FXR1: variants seen among roughly 807,000 people sequenced by gnomAD.
The protein encoded by FXR1 is RNA-binding protein FXR1.
In FXR1, 15 loss-of-function variants were observed where a neutral mutation model predicts 84.0. The observed-to-expected ratio is 0.18, with a 90% CI of 0.12 to 0.27. The LOEUF is 0.27. Among genes scored for constraint, FXR1 ranks in the 10% least tolerant of loss-of-function variants. FXR1 has a pLI of 1.00. For synonymous variants in FXR1, 245 were observed against 250.7 expected (o/e 0.98, Z 0.21); for missense variants, 480 against 774.4 (o/e 0.62, Z 4.51).
At chr3:180,937,434 C>T (rs899000558) in intron 3 of FXR1, among the ~76,000 whole-genome samples, 3 of 152,028 alleles carry the variant, frequency 2.0e-5, no homozygotes, top group Admixed American at 6.6e-5. Context: ...CAGTCTGGCT[C>T]ACCCCTGTGG....
intron 15 of FXR1, among the ~76,000 whole-genome samples, chr3:180,974,332 G>A (rs1354889394): frequency 1.3e-5 from 2 of 151,910 alleles, no homozygotes; most frequent in African/African-American, 4.8e-5. Flanking sequence ...TAATTCTGAC[G>A]GGGTTTCACC....
At chr3:180,971,148 A>C in intron 15 of FXR1, 2 of 1,258,714 alleles carry the variant, frequency 1.6e-6, no homozygotes, top group Admixed American at 2.5e-5. Context: ...CAGAAGATAG[A>C]CAGCCAGGTA....
intron 1 of FXR1, among the ~76,000 whole-genome samples, chr3:180,918,630 T>A (rs1185456872): frequency 6.6e-6 from 1 of 152,242 alleles, no homozygotes; most frequent in Non-Finnish European, 1.5e-5. Context: ...CTAATTCTTG[T>A]AATAGTTTTT....
intron 1 of FXR1, chr3:180,927,679 G>A: frequency 1.9e-6 from 1 of 524,184 alleles, no homozygotes; most frequent in Non-Finnish European, 3.3e-6. Flanking sequence ...AAAAAAATGA[G>A]TAGATCTTCA....
intron 1 of FXR1, among the ~76,000 whole-genome samples, chr3:180,917,406 A>G (rs923909779): frequency 1.6e-4 from 25 of 152,338 alleles, no homozygotes; most frequent in East Asian, 1.3e-3. Flanking sequence ...TGAAAAAACG[A>G]TAATTGTCTT....
chr3:180,964,131 T>G (rs1483599783), intron 13 of FXR1, among the ~76,000 whole-genome samples: 1 of 152,178 alleles, frequency 6.6e-6, no homozygotes, highest in Non-Finnish European at 1.5e-5. Context: ...CTCATTTTCT[T>G]ATATATGTTT....
intron 3 of FXR1, among the ~76,000 whole-genome samples, chr3:180,945,290 C>T (rs1249611396): frequency 6.6e-6 from 1 of 152,180 alleles, no homozygotes; most frequent in African/African-American, 2.4e-5. Flanking sequence ...TTTTGCATTT[C>T]ATTATCTTTC....
At chr3:180,964,469 G>A (rs964211206) in intron 13 of FXR1, among the ~76,000 whole-genome samples, 5 of 151,926 alleles carry the variant, frequency 3.3e-5, no homozygotes, top group African/African-American at 1.2e-4. Flanking sequence ...TTATGTGAGA[G>A]GTAGAGAAAC....
At chr3:180,961,630 T>G in intron 11 of FXR1, 76 bp downstream of exon 11, 1 of 698,662 alleles carries the variant, frequency 1.4e-6, no homozygotes, top group Non-Finnish European at 2.5e-6. Flanking sequence ...TTGCTACAAA[T>G]TTAAAATGTC....
chr3:180,949,674 G>A (rs1173253418), intron 7 of FXR1, among the ~76,000 whole-genome samples: 1 of 152,200 alleles, frequency 6.6e-6, no homozygotes, highest in Admixed American at 6.5e-5. Context: ...ATGAGCCACC[G>A]AACCTGGCCC....
intron 3 of FXR1, among the ~76,000 whole-genome samples, chr3:180,944,248 G>C (rs774276807): frequency 1.3e-5 from 2 of 151,904 alleles, no homozygotes; most frequent in African/African-American, 2.4e-5. Context: ...GTATACTTGG[G>C]AAAACAGTCA....
intron 1 of FXR1, among the ~76,000 whole-genome samples, chr3:180,916,606 C>T (rs922879331): frequency 6.6e-6 from 1 of 152,126 alleles, no homozygotes; most frequent in Non-Finnish European, 1.5e-5. Flanking sequence ...CGGGGTTTTA[C>T]TGTGTAGGCC....
chr3:180,944,914 C>A (rs1559996822), intron 3 of FXR1, among the ~76,000 whole-genome samples: 1 of 152,266 alleles, frequency 6.6e-6, no homozygotes, highest in East Asian at 1.9e-4. Flanking sequence ...TGAGCCCCAC[C>A]ACGCATGGCC....
chr3:180,948,270 C>T, intron 4 of FXR1, 77 bp from the exon 5 acceptor site: 1 of 1,052,518 alleles, frequency 9.5e-7, no homozygotes, highest in Non-Finnish European at 1.4e-6. Context: ...TTAAGCTGAG[C>T]AAGGTAATTA....
rs752961932 is a variant in FXR1, at chr3:180,975,389, A to G, written c.1680A>G (p.Lys560=). The change falls in exon 16 of 17, where the codon AAA becomes AAG. Residue 560 remains lysine, a synonymous_variant. Coordinates refer to ENST00000357559, the MANE Select transcript of FXR1 (RefSeq NM_005087.4). ...ACCTCCCAAGGGAAACTTTGGCTAA[A>G]AACAAGAAAGAAATGGTAAGGAGAA... ...QRNLPRETLA[K]NKKEMAKDVI... 1 of 1,470,600 alleles carries G rather than the reference A, an allele frequency of 6.8e-7. No homozygotes were observed. The highest frequency in any genetic ancestry group is 1.4e-5 in the African/African-American group (1 of 70,926). The allele number at this position is 1,470,600 out of a possible 1,614,324, so 91.1% of individuals were successfully genotyped here. A position where few individuals can be genotyped will look rare whatever the true frequency, so the allele number is the denominator to read the frequency against.
chr3:180,912,679 T>C lies in FXR1; in HGVS notation c.-7T>C, dbSNP rs767684536. 17 of 1,607,888 alleles carry C rather than the reference T, an allele frequency of 1.1e-5. No homozygotes were observed. Among genetic ancestry groups the C allele is most frequent in the Non-Finnish European group, 1.3e-5 (15 of 1,176,910 alleles). On this transcript the variant is annotated 5_prime_UTR_variant, in exon 1 of 17. Transcript: ENST00000357559. ...AATCTCTTCCCAGCGGCCTTTGCGG[T>C]TCCAACATGGCGGAGCTGACGGTGG...
In FXR1 at chr3:180,948,817, AAGAT is replaced by A; in HGVS notation, c.513+6_513+9del. 8.1e-7 allele frequency: 1 copy of A among 1,232,050 alleles called. No individual in the cohort carries two copies. The highest frequency in any genetic ancestry group is 2.3e-5 in the East Asian group (1 of 43,028). 76.3% of individuals were successfully genotyped at this position (1,232,050 alleles called of 1,614,324 possible). ...AAACAACACAGCTAATGATACTGGT[AAGAT>A]AGTACCATATTATAAGGTAGCTTAT... On this transcript the variant is annotated splice_donor_5th_base_variant and intron_variant, in intron 6 of 16. Coordinates refer to ENST00000357559, the MANE Select transcript of FXR1 (RefSeq NM_005087.4).
chr3:180,942,377 CAAAAAAAAAAAAAAA>C (rs765066164), intron 3 of FXR1, among the ~76,000 whole-genome samples: 31 of 31,106 alleles, frequency 1.0e-3, no homozygotes, highest in Non-Finnish European at 1.4e-3. Flanking sequence ...GACTCCGTCT[CAAAAAAAAAAAAAAA>C]AAAAAAAAAA....
intron 14 of FXR1, 67 bp downstream of exon 14, chr3:180,968,321 C>T: frequency 3.6e-6 from 4 of 1,104,832 alleles, no homozygotes; most frequent in South Asian, 1.3e-5. Context: ...AAAGTTAATT[C>T]ATCTCCCAGG....
Sources: allele counts gnomAD v4.1 joint callset (sites outside exome capture counted in the v4.1 genomes callset), GRCh38; gene constraint gnomAD v4.1.1; transcripts MANE v1.5; gene names NCBI Gene and HGNC (gene_info 2026-07-23, HGNC 2026-07-21).